The following UPF2 variants were observed in gnomAD, a reference collection of about 807,000 sequenced individuals.
The protein encoded by UPF2 is UPF2 regulator of nonsense mediated mRNA decay, also known as regulator of nonsense transcripts 2.
In UPF2, 17 loss-of-function variants were observed where a neutral mutation model predicts 141.4. The observed-to-expected ratio is 0.12, with a 90% CI of 0.08 to 0.18. UPF2 has a LOEUF of 0.18. Among genes scored for constraint, UPF2 ranks in the 10% least tolerant of loss-of-function variants. The pLI is 1.00. For missense variants in UPF2, 1,152 were observed against 1,515.9 expected (o/e 0.76, Z 3.99); for synonymous variants, 540 against 498.0 (o/e 1.08, Z -1.12).
At chr10:11,948,576 A>G in intron 15 of UPF2, 68 bp from the exon 16 acceptor site, 2 of 1,502,412 alleles carry the variant, frequency 1.3e-6, no homozygotes, top group East Asian at 4.6e-5. Flanking sequence ...TCTACACTAT[A>G]CCAATTCATG....
intron 2 of UPF2, among the ~76,000 whole-genome samples, chr10:12,033,641 A>G (rs1029528421): frequency 1.3e-5 from 2 of 152,206 alleles, no homozygotes; most frequent in Non-Finnish European, 2.9e-5. Flanking sequence ...GAGGCTTAAA[A>G]AGGGTAAGTT....
intron 16 of UPF2, among the ~76,000 whole-genome samples, chr10:11,943,610 G>A (rs1832964093): frequency 6.6e-6 from 1 of 152,104 alleles, no homozygotes; most frequent in Admixed American, 6.5e-5. Flanking sequence ...AAAGCACTTC[G>A]ATTTGGAAGG....
In UPF2 at chr10:11,987,650, T is replaced by G. The variant is rs550074537; in HGVS notation, c.1845-8485A>C. 3.4e-5 allele frequency among the ~76,000 whole-genome samples: 5 copies of G among 148,860 alleles called. No individual in the cohort carries two copies. In the South Asian group the frequency reaches 1.0e-3, roughly 31 times the overall value. On this transcript the variant is annotated intron_variant, in intron 8 of 21. Coordinates refer to ENST00000357604, the MANE Select transcript of UPF2 (RefSeq NM_015542.4). ...GGTGGTGCATGCCTGTAGTCCCAGC[T>G]ACTAGGGAGGCTGAGGCGGGAGAAT...
intron 10 of UPF2, among the ~76,000 whole-genome samples, chr10:11,965,711 G>A (rs1271867986): frequency 2.0e-5 from 3 of 151,912 alleles, no homozygotes; most frequent in African/African-American, 2.4e-5. Context: ...TGCCCGCCTC[G>A]GCCTCCCAAA....
At chr10:11,960,697 G>C (rs1002223798) in intron 11 of UPF2, among the ~76,000 whole-genome samples, 1 of 151,572 alleles carries the variant, frequency 6.6e-6, no homozygotes, top group African/African-American at 2.4e-5. Flanking sequence ...CTGAACCCAG[G>C]AGTTCAAGGC....
chr10:11,989,210 G>C (rs982625722), intron 8 of UPF2, among the ~76,000 whole-genome samples: 4 of 152,138 alleles, frequency 2.6e-5, no homozygotes, highest in Non-Finnish European at 5.9e-5. Flanking sequence ...AAAAGATTGA[G>C]AAAGTTTAAT....
At chr10:12,029,574 T>C (rs767286393) in intron 2 of UPF2, 50 bp from the exon 3 acceptor site, 27 of 1,509,082 alleles carry the variant, frequency 1.8e-5, no homozygotes, top group Non-Finnish European at 2.3e-5. Flanking sequence ...TTTTGAAGCA[T>C]TATACACAAA....
At chr10:12,031,892 T>C (rs1393395427) in intron 2 of UPF2, among the ~76,000 whole-genome samples, 2 of 152,204 alleles carry the variant, frequency 1.3e-5, no homozygotes, top group South Asian at 2.1e-4. Context: ...TACAATATAT[T>C]AACAGAAAGG....
At chr10:11,995,946 T>C (rs1833857773) in intron 8 of UPF2, among the ~76,000 whole-genome samples, 1 of 152,318 alleles carries the variant, frequency 6.6e-6, no homozygotes, top group South Asian at 2.1e-4. Flanking sequence ...ATGACCCTTG[T>C]TCCAGGCAGT....
chr10:11,992,861 G>C lies in UPF2; in HGVS notation c.1844+4811C>G, dbSNP rs1297771208. Among the ~76,000 whole-genome samples the C allele has an allele frequency of 6.6e-6, 1 of 152,078 alleles. No homozygotes were observed. The highest frequency in any genetic ancestry group is 2.4e-5 in the African/African-American group (1 of 41,404). ...TATACCAAACGCAAATAAAAAGAAA[G>C]CAGCAGTCAGGCGCAGGTGGCTCAC... On this transcript the variant is annotated intron_variant, in intron 8 of 21. Coordinates refer to ENST00000357604, the MANE Select transcript of UPF2 (RefSeq NM_015542.4). This position sits in a 1 kb window ranked among gnomAD's most constrained non-coding sequence, Gnocchi z 4.1.
At chr10:12,024,391 T>A (rs1201365205) in intron 3 of UPF2, among the ~76,000 whole-genome samples, 2 of 151,400 alleles carry the variant, frequency 1.3e-5, no homozygotes, top group Non-Finnish European at 2.9e-5. Flanking sequence ...AGGCAGATCA[T>A]CTGAGGTCAG....
intron 4 of UPF2, among the ~76,000 whole-genome samples, chr10:12,013,209 C>A (rs1195134286): frequency 6.6e-6 from 1 of 151,216 alleles, no homozygotes; most frequent in Non-Finnish European, 1.5e-5. Context: ...GTATTTCTTA[C>A]TGAGGATATT....
At chr10:12,006,931 A>G (rs1446589866) in intron 4 of UPF2, among the ~76,000 whole-genome samples, 2 of 152,162 alleles carry the variant, frequency 1.3e-5, no homozygotes, top group South Asian at 2.1e-4. Context: ...ACAGGCTTAG[A>G]ACTTTCAGCC....
chr10:11,987,149 G>A (rs1001096024), intron 8 of UPF2, among the ~76,000 whole-genome samples: 4 of 152,132 alleles, frequency 2.6e-5, no homozygotes, highest in African/African-American at 9.7e-5. Context: ...TATCTTGATC[G>A]GAGTGATGGA....
chr10:12,014,146 C>A lies in UPF2; in HGVS notation c.1184G>T (p.Arg395Ile). The A allele has an allele frequency of 6.4e-7, 1 of 1,552,604 alleles. No homozygotes were observed. Among genetic ancestry groups the A allele is most frequent in the Non-Finnish European group, 8.7e-7 (1 of 1,144,692 alleles). ...LHSKGELSED[R>I]HKQYEEFAMS... is the part of the protein sequence containing the mutation. ...AGCAAATTCCTCATACTGTTTATGTCTATCTTCACTGAGCTCCCCTTTAGA... is the reference window on the plus strand; with the variant it reads ...AGCAAATTCCTCATACTGTTTATGTATATCTTCACTGAGCTCCCCTTTAGA... Residue 395 changes from arginine to isoleucine, a missense_variant, in exon 4 of 22, where the codon AGA (arginine) becomes ATA (isoleucine). Transcript: ENST00000357604. The surrounding 1 kb of genome is among the most constrained non-coding windows in gnomAD (Gnocchi z 5.0).
chr10:11,974,104 G>A (rs370653164), intron 9 of UPF2, among the ~76,000 whole-genome samples: 1 of 152,068 alleles, frequency 6.6e-6, no homozygotes, highest in East Asian at 1.9e-4. Context: ...TACATCCCTT[G>A]TAAGTTGGAT....
Position 12,029,388 on chromosome 10 carries a change from A to G in UPF2, c.502T>C (p.Leu168=). 1.2e-6 allele frequency: 2 copies of G among 1,614,188 alleles called. No individual in the cohort carries two copies. The highest frequency in any genetic ancestry group is 1.7e-6 in the Non-Finnish European group (2 of 1,180,034). The part of the protein sequence containing the change: ...ENFFSRLDSS[L]KKNTAFVKKL... Reference sequence around the variant, plus strand: ...TTGACAAAAGCAGTATTTTTCTTCAAACTTGAGTCGAGGCGGCTGAAGAAG... The same window carrying G: ...TTGACAAAAGCAGTATTTTTCTTCAGACTTGAGTCGAGGCGGCTGAAGAAG... The change falls in exon 3 of 22, where the codon TTG becomes CTG. Residue 168 remains leucine, a synonymous_variant. Transcript: ENST00000357604.
chr10:11,982,448 T>A (rs981073448), intron 8 of UPF2, among the ~76,000 whole-genome samples: 5 of 152,136 alleles, frequency 3.3e-5, no homozygotes, highest in Admixed American at 2.6e-4. Flanking sequence ...TCCTCACTGA[T>A]GCTCTGACTC....
chr10:11,948,691 A>G (rs77385048), intron 15 of UPF2, among the ~76,000 whole-genome samples, 183 bp from the exon 16 acceptor site: 2,733 of 152,366 alleles, frequency 0.018, 50 homozygotes, highest in Non-Finnish European at 0.023. Context: ...GTAGGCCTAC[A>G]TTTCAACAAA....
Sources: gnomAD v4.1 joint callset for allele counts (sites outside exome capture counted in the v4.1 genomes callset) on GRCh38, gnomAD v4.1.1 for gene constraint, Gnocchi (gnomAD v3.1) non-coding constraint, MANE v1.5 for transcripts, NCBI Gene and HGNC (gene_info 2026-07-23, HGNC 2026-07-21) for gene names.